Variants in YEATS2 observed in about 807,000 individuals in gnomAD.
YEATS2 encodes the protein YEATS domain-containing protein 2.
In YEATS2, 77 loss-of-function variants were observed where a neutral mutation model predicts 163.2. That is an observed-to-expected ratio of 0.47 (90% confidence interval 0.39 to 0.57). The LOEUF (loss-of-function observed/expected upper bound fraction) is 0.57. YEATS2 is among the 20% of genes least tolerant of loss of function. The pLI is 0.00. For synonymous variants in YEATS2, 631 were observed against 645.1 expected, an observed-to-expected ratio of 0.98 and a Z score of 0.33; for missense variants, 1,549 against 1,729.8, an observed-to-expected ratio of 0.90 and a Z score of 1.85.
At chr3:183,776,872 A>C (rs1723050797) in intron 18 of YEATS2, among the ~76,000 whole-genome samples, 1 of 151,994 alleles carries the variant, frequency 6.6e-6, no homozygotes, top group African/African-American at 2.4e-5. Flanking sequence ...GAATCACTTG[A>C]ACCCGGGAGG....
rs35098553 is a variant in YEATS2 at position 183,793,609 on chromosome 3, C to CTTTTTTTTTTTTTTTTTT, written c.3097+2632_3097+2649dup. ...TTTCTGTATCACATTTTCTTTCTTT[C>CTTTTTTTTTTTTTTTTTT]TTTTTTTTTTTTTTTTTTTTGAGAT... On this transcript the variant is annotated intron_variant, in intron 21 of 30. Coordinates refer to ENST00000305135, the MANE Select transcript of YEATS2 (RefSeq NM_018023.5). 2.7e-5 allele frequency: 3 copies of CTTTTTTTTTTTTTTTTTT among 109,386 alleles called. No individual in the cohort carries two copies. The Admixed American group carries it at 3.8e-4, about 14-fold the overall frequency. The allele number at this position is 109,386 out of a possible 1,614,324, so 6.8% of individuals were successfully genotyped here. A position where few individuals can be genotyped will look rare whatever the true frequency, so the allele number is the denominator to read the frequency against.
rs754320903 is a variant in YEATS2 at position 183,773,703 on chromosome 3, C to T, written c.2277C>T (p.Leu759=). The T allele has an allele frequency of 1.2e-6, 2 of 1,613,604 alleles. No individual in the cohort carries two copies. Among genetic ancestry groups the T allele is most frequent in the African/African-American group, 1.3e-5 (1 of 74,910 alleles). Residue 759 remains leucine (L), a synonymous_variant, in exon 17 of 31, where the codon CTC becomes CTT. Coordinates refer to ENST00000305135, the MANE Select transcript of YEATS2 (RefSeq NM_018023.5). ...CAAATTTGCCTCCTGGCACTAAACT[C>T]TACCTAACTACAAACAGCAAGAACC... ...NLANLPPGTK[L]YLTTNSKNPS... is the part of the protein sequence containing the mutation.
intron 15 of YEATS2, among the ~76,000 whole-genome samples, chr3:183,772,034 T>A (rs1722531139): frequency 6.6e-6 from 1 of 152,258 alleles, no homozygotes; most frequent in South Asian, 2.1e-4. Context: ...GCCAAACTTT[T>A]TTCTTTATAC....
chr3:183,805,251 AT>A (rs1392686887), intron 27 of YEATS2, among the ~76,000 whole-genome samples: 2 of 151,490 alleles, frequency 1.3e-5, no homozygotes, highest in African/African-American at 4.9e-5. Context: ...AATTACAAAA[AT>A]TACCCGGGTG....
At chr3:183,790,674 C>G in intron 20 of YEATS2, 123 bp from the exon 21 acceptor site, 1 of 1,017,998 alleles carries the variant, frequency 9.8e-7, no homozygotes, top group Non-Finnish European at 1.4e-6. Context: ...ATGGCATTTA[C>G]TAAGTAGTCA....
intron 21 of YEATS2, chr3:183,793,610 T>A: frequency 9.2e-5 from 5 of 54,144 alleles, no homozygotes; most frequent in Non-Finnish European, 1.4e-4. Context: ...TCTTTCTTTC[T>A]TTTTTTTTTT....
chr3:183,793,025 G>A, intron 21 of YEATS2: 1 of 828,808 alleles, frequency 1.2e-6, no homozygotes, highest in Non-Finnish European at 1.7e-6. Context: ...CTATAATCTG[G>A]TATAGACAGA....
In YEATS2 at chr3:183,717,631, A is replaced by G. The variant is rs549746837; in HGVS notation, c.101-20A>G. ...CACTGATTAATTAGGCCTTGGATGT[A>G]TTTTATGTTCTTTGTACAGCTCGAG... On this transcript the variant is annotated intron_variant, in intron 2 of 30. Coordinates refer to ENST00000305135, the MANE Select transcript of YEATS2 (RefSeq NM_018023.5). 1.3e-6 allele frequency: 2 copies of G among 1,526,120 alleles called. No homozygotes were observed. The highest frequency in any genetic ancestry group is 2.5e-5 in the East Asian group (1 of 39,738). The allele number at this position is 1,526,120 out of a possible 1,614,324, so 94.5% of individuals were successfully genotyped here.
rs541555019 is a variant in YEATS2, at chr3:183,807,493, T to A, written c.4011+401T>A. The A allele has an allele frequency of 3.1e-3, 831 of 267,574 alleles. 3 individuals carry two copies. The highest frequency in any genetic ancestry group is 4.8e-3 in the Non-Finnish European group (650 of 136,762). 16.6% of individuals were successfully genotyped at this position (267,574 alleles called of 1,614,324 possible). On this transcript the variant is annotated intron_variant, in intron 28 of 30. Transcript: ENST00000305135. ...ACGTCAGCGCGTAATCCTCCCCTGATGTGTTGATAGCTCCTGAGTGCCCCG... is the reference window on the plus strand; with the variant it reads ...ACGTCAGCGCGTAATCCTCCCCTGAAGTGTTGATAGCTCCTGAGTGCCCCG...
At chr3:183,700,039 T>C (rs896394627) in intron 1 of YEATS2, among the ~76,000 whole-genome samples, 2 of 152,204 alleles carry the variant, frequency 1.3e-5, no homozygotes, top group Non-Finnish European at 2.9e-5. Context: ...TTTTCATTTA[T>C]TGATTACTAG....
At chr3:183,756,998 G>A (rs1720840800) in intron 12 of YEATS2, among the ~76,000 whole-genome samples, 1 of 152,130 alleles carries the variant, frequency 6.6e-6, no homozygotes, top group Non-Finnish European at 1.5e-5. Flanking sequence ...GGGACTGTAA[G>A]CAATGTGGTT....
At chr3:183,741,379 A>G (rs1718947115) in intron 8 of YEATS2, among the ~76,000 whole-genome samples, 1 of 152,230 alleles carries the variant, frequency 6.6e-6, no homozygotes, top group Admixed American at 6.5e-5. Context: ...ATCTGTTTAT[A>G]GCATGGTTTA....
chr3:183,752,038 G>C (rs367548576), intron 9 of YEATS2, 35 bp from the exon 10 acceptor site: 1 of 1,609,374 alleles, frequency 6.2e-7, no homozygotes. Flanking sequence ...CATTGATGAT[G>C]GACTCATGAG....
intron 15 of YEATS2, among the ~76,000 whole-genome samples, chr3:183,764,470 A>G (rs913582794): frequency 4.6e-5 from 7 of 152,144 alleles, no homozygotes; most frequent in African/African-American, 9.7e-5. Context: ...GAATAGCCCA[A>G]AATCGAAAAA....
intron 27 of YEATS2, chr3:183,806,577 G>C: frequency 2.2e-6 from 1 of 457,846 alleles, no homozygotes; most frequent in South Asian, 2.0e-5. Context: ...TTAATACTCA[G>C]AGGGAGGGGG....
At chr3:183,761,009 C>G (rs1441374312) in intron 13 of YEATS2, among the ~76,000 whole-genome samples, 3 of 152,112 alleles carry the variant, frequency 2.0e-5, no homozygotes, top group Admixed American at 6.5e-5. Context: ...CAAGTTACAG[C>G]TTTTCTTTGC....
At chr3:183,735,827 A>C (rs1454229101) in intron 7 of YEATS2, among the ~76,000 whole-genome samples, 1 of 152,042 alleles carries the variant, frequency 6.6e-6, no homozygotes, top group South Asian at 2.1e-4. Context: ...GATTACAGGC[A>C]TGAGCCACCG....
At chr3:183,736,576 T>C (rs1284457457) in intron 7 of YEATS2, 142 bp from the exon 8 acceptor site, 1 of 600,032 alleles carries the variant, frequency 1.7e-6, no homozygotes, top group African/African-American at 1.9e-5. Flanking sequence ...AAATTCGGCA[T>C]GTTGATTTAG....
intron 17 of YEATS2, 37 bp downstream of exon 17, chr3:183,773,831 G>A: frequency 1.3e-6 from 2 of 1,577,308 alleles, no homozygotes; most frequent in South Asian, 1.2e-5. Context: ...TTTGGTTCTT[G>A]GTTCTCTATG....
Sources: allele counts gnomAD v4.1 joint callset (sites outside exome capture counted in the v4.1 genomes callset), GRCh38; gene constraint gnomAD v4.1.1; transcripts MANE v1.5; gene names NCBI Gene and HGNC (gene_info 2026-07-23, HGNC 2026-07-21).